The following L3MBTL4 variants were observed in gnomAD, a reference collection of about 807,000 sequenced individuals.
The protein encoded by L3MBTL4 is L3MBTL histone methyl-lysine binding protein 4, also known as lethal(3)malignant brain tumor-like protein 4.
L3MBTL4 carries 70 observed loss-of-function variants against 84.5 expected under a neutral mutation model. The observed-to-expected ratio is 0.83, with a 90% CI of 0.68 to 1.01. The LOEUF is 1.01. L3MBTL4 is among the 50% of genes least tolerant of loss of function. L3MBTL4 has a pLI of 0.00. For missense variants in L3MBTL4, 715 were observed against 754.8 expected (o/e 0.95, Z 0.62); for synonymous variants, 274 against 259.8 (o/e 1.05, Z -0.52).
At chr18:6,394,963 C>A (rs2055208572) in intron 1 of L3MBTL4, 1 of 152,160 alleles carries the variant, frequency 6.6e-6, no homozygotes, top group Non-Finnish European at 1.5e-5. Flanking sequence ...GAATATAGAT[C>A]TTTCTTTAGA....
At chr18:6,104,288 A>G (rs141824320) in intron 14 of L3MBTL4, among the ~76,000 whole-genome samples, 156 of 152,254 alleles carry the variant, frequency 1.0e-3, no homozygotes, top group Non-Finnish European at 1.6e-3. Flanking sequence ...CATTCATTGC[A>G]GAATTATTCA....
At chr18:6,029,934 C>G (rs2055703566) in intron 16 of L3MBTL4, 1 of 985,276 alleles carries the variant, frequency 1.0e-6, no homozygotes, top group African/African-American at 1.7e-5. Flanking sequence ...TTTTATTTTC[C>G]AGTCAAGCTG....
intron 16 of L3MBTL4, among the ~76,000 whole-genome samples, chr18:6,002,143 C>T (rs1331181661): frequency 6.6e-6 from 1 of 151,484 alleles, no homozygotes; most frequent in Non-Finnish European, 1.5e-5. Context: ...GAATGATATA[C>T]TTAAAGTGCT....
At chr18:6,359,104 T>C (rs1428974432) in intron 1 of L3MBTL4, among the ~76,000 whole-genome samples, 4 of 152,240 alleles carry the variant, frequency 2.6e-5, no homozygotes, top group Non-Finnish European at 5.9e-5. Context: ...TCTGAAACTA[T>C]TTAAAGGTAT....
chr18:6,337,923 C>T (rs1470901819), intron 1 of L3MBTL4, among the ~76,000 whole-genome samples: 2 of 151,864 alleles, frequency 1.3e-5, no homozygotes, highest in Non-Finnish European at 2.9e-5. Context: ...GAATACATTA[C>T]TTTCAATGAA....
chr18:6,015,552 C>G (rs566883871), intron 16 of L3MBTL4, among the ~76,000 whole-genome samples: 1 of 152,238 alleles, frequency 6.6e-6, no homozygotes, highest in Admixed American at 6.5e-5. Flanking sequence ...ACTTCTCCAG[C>G]CAGAAGTGAC....
intron 4 of L3MBTL4, among the ~76,000 whole-genome samples, chr18:6,293,077 C>A (rs1227363605): frequency 3.3e-5 from 5 of 152,168 alleles, no homozygotes; most frequent in Admixed American, 1.3e-4. Context: ...ATAGTGTATA[C>A]CCCAACTATA....
chr18:6,145,800 G>A (rs1029758442), intron 13 of L3MBTL4, among the ~76,000 whole-genome samples: 12 of 152,174 alleles, frequency 7.9e-5, no homozygotes, highest in African/African-American at 2.9e-4. Flanking sequence ...AGACGCTGCT[G>A]TTCCCTTTGC....
chr18:6,069,471 G>C (rs1436861062), intron 16 of L3MBTL4, among the ~76,000 whole-genome samples: 1 of 151,824 alleles, frequency 6.6e-6, no homozygotes, highest in Non-Finnish European at 1.5e-5. Flanking sequence ...GGGCTATAAA[G>C]TTCCCCAAAG....
intron 1 of L3MBTL4, among the ~76,000 whole-genome samples, chr18:6,388,840 A>G (rs1171409754): frequency 6.6e-6 from 1 of 152,194 alleles, no homozygotes; most frequent in Admixed American, 6.5e-5. Context: ...TAAGGCCCCA[A>G]CACATGCAAC....
chr18:6,375,050 T>C (rs1016848900), intron 1 of L3MBTL4, among the ~76,000 whole-genome samples: 3 of 152,214 alleles, frequency 2.0e-5, no homozygotes, highest in African/African-American at 7.2e-5. Flanking sequence ...AAACTCGGGC[T>C]GCTCTTGCAG....
rs529327892 is a variant in L3MBTL4 at position 6,387,087 on chromosome 18, G to A, written c.-91+27714C>T. ...GACTGGCGACAGACAGGATTACAGAGAAAAAGAAATGACTCCCAGGTTTTT... is the reference window on the plus strand; with the variant it reads ...GACTGGCGACAGACAGGATTACAGAAAAAAAGAAATGACTCCCAGGTTTTT... On this transcript the variant is annotated intron_variant, in intron 1 of 18. Coordinates refer to ENST00000317931, the MANE Select transcript of L3MBTL4 (RefSeq NM_001330559.2). 1.9e-4 allele frequency among the ~76,000 whole-genome samples: 29 copies of A among 152,236 alleles called. 4 individuals are homozygous for A. The highest frequency in any genetic ancestry group is 6.5e-4 in the African/African-American group (27 of 41,534).
At chr18:5,965,836 C>A (rs1287207735) in intron 17 of L3MBTL4, among the ~76,000 whole-genome samples, 1 of 152,176 alleles carries the variant, frequency 6.6e-6, no homozygotes, top group Non-Finnish European at 1.5e-5. Context: ...CTAAGATATG[C>A]TCAACAGTAG....
rs558652723 is a variant in L3MBTL4, at chr18:5,959,765, C to T, written c.1677+329G>A. Among the ~76,000 whole-genome samples, 24 of 152,200 alleles carry T rather than the reference C, an allele frequency of 1.6e-4. No homozygotes were observed. In the East Asian group the frequency reaches 4.3e-3, roughly 27 times the overall value. ...ATTAATTAATTATCTTTTTCATTTACTCTTCCAGCAAATAGTATACGTACT... is the reference window on the plus strand; with the variant it reads ...ATTAATTAATTATCTTTTTCATTTATTCTTCCAGCAAATAGTATACGTACT... On this transcript the variant is annotated intron_variant, in intron 18 of 18. Transcript: ENST00000317931.
At chr18:6,275,227 G>T (rs1387106976) in intron 4 of L3MBTL4, among the ~76,000 whole-genome samples, 1 of 152,176 alleles carries the variant, frequency 6.6e-6, no homozygotes, top group Non-Finnish European at 1.5e-5. Flanking sequence ...TAAGATGTGG[G>T]TGGAGGAAAA....
chr18:6,182,092 T>C lies in L3MBTL4; in HGVS notation c.982-10150A>G, dbSNP rs116299298. ...ATTGCTACACTGCTTTCTACAATAA[T>C]TGAACTAATTTACATTCCCACCAGC... On this transcript the variant is annotated intron_variant, in intron 12 of 18. Transcript: ENST00000317931. 5.5e-3 allele frequency among the ~76,000 whole-genome samples: 842 copies of C among 152,336 alleles called. 7 individuals are homozygous for C. The highest frequency in any genetic ancestry group is 0.016 in the African/African-American group (672 of 41,566).
In L3MBTL4 at chr18:6,238,015, G is replaced by A; in HGVS notation, c.733C>T (p.Gln245Ter). 6.2e-7 allele frequency: 1 copy of A among 1,614,070 alleles called. No homozygotes were observed. Among genetic ancestry groups the A allele is most frequent in the Non-Finnish European group, 8.5e-7 (1 of 1,179,982 alleles). ...TTCTCCTGACACCAACCAACTGGCT[G>A]GACATAAGGGCTATTAACATCGCAC... ...YWCDVNSPYVQPVGWCQENGR... is the reference protein window; with the variant it reads ...YWCDVNSPYV The change falls in exon 10 of 19, where the codon CAG becomes TAG. Residue 245 changes from glutamine to a stop codon, truncating the protein, a stop_gained. Transcript: ENST00000317931. LOFTEE classifies it high-confidence loss of function.
chr18:6,136,801 T>C (rs890828497), intron 14 of L3MBTL4, among the ~76,000 whole-genome samples: 2 of 152,228 alleles, frequency 1.3e-5, no homozygotes, highest in Admixed American at 1.3e-4. Context: ...GCTTCATTCT[T>C]TCCTTGCTTT....
chr18:6,089,788 G>T (rs912126891), intron 15 of L3MBTL4, among the ~76,000 whole-genome samples: 1 of 152,170 alleles, frequency 6.6e-6, no homozygotes, highest in African/African-American at 2.4e-5. Flanking sequence ...GCTATTAATA[G>T]TAGATAGTTA....
Sources: allele counts gnomAD v4.1 joint callset (sites outside exome capture counted in the v4.1 genomes callset), GRCh38; gene constraint gnomAD v4.1.1; transcripts MANE v1.5; gene names NCBI Gene and HGNC (gene_info 2026-07-23, HGNC 2026-07-21).